The following AATK variants were observed in gnomAD, a reference collection of about 807,000 sequenced individuals.
The protein encoded by AATK is lemur tail kinase 1, also known as serine/threonine-protein kinase LMTK1.
In AATK, 91 loss-of-function variants were observed where a neutral mutation model predicts 114.3. The observed-to-expected ratio is 0.80, with a 90% CI of 0.67 to 0.95. The LOEUF (loss-of-function observed/expected upper bound fraction) is 0.95, where lower values mean the gene tolerates loss of function less well. Ranked by LOEUF, AATK falls within the 40% of genes least tolerant of loss-of-function variation. The probability of loss-of-function intolerance (pLI) is 0.00; values close to 1 mark genes in which losing one functional copy is unlikely to be tolerated. For missense variants in AATK, 2,176 were observed against 1,965.2 expected (o/e 1.11, Z -2.03); for synonymous variants, 1,075 against 916.5 (o/e 1.17, Z -3.12).
chr17:81,142,260 TTTTTTTC>T (rs1227911212), intron 1 of AATK, among the ~76,000 whole-genome samples: 2 of 149,998 alleles, frequency 1.3e-5, no homozygotes, highest in African/African-American at 2.5e-5. Flanking sequence ...GGCCCGCTCT[TTTTTTTC>T]TTTTTTCTTT....
At chr17:81,161,487 G>T (rs894507584) in intron 1 of AATK, among the ~76,000 whole-genome samples, 2 of 152,188 alleles carry the variant, frequency 1.3e-5, no homozygotes, top group Admixed American at 1.3e-4. Context: ...GGCGGGCATG[G>T]GTTTGGGGTG....
At chr17:81,138,690 CACCCAAGCACGCAGAT>C (rs2061070355) in intron 1 of AATK, among the ~76,000 whole-genome samples, 1 of 151,686 alleles carries the variant, frequency 6.6e-6, no homozygotes. Context: ...CACCCACACA[CACCCAAGCACGCAGAT>C]ACCCACACGC....
At chr17:81,125,177 G>A in intron 7 of AATK, 163 bp from the exon 8 acceptor site, 1 of 685,370 alleles carries the variant, frequency 1.5e-6, no homozygotes, top group Non-Finnish European at 2.6e-6. Context: ...AGGGGCGTTG[G>A]AGACACTGCC....
At chr17:81,133,473 C>T in intron 2 of AATK, 2 of 277,544 alleles carry the variant, frequency 7.2e-6, no homozygotes, top group South Asian at 2.7e-5. Context: ...CTGCAGAATG[C>T]CTCCTCCCAC....
At chr17:81,139,273 G>A (rs944825778) in intron 1 of AATK, among the ~76,000 whole-genome samples, 3 of 152,162 alleles carry the variant, frequency 2.0e-5, no homozygotes, top group African/African-American at 7.2e-5. Flanking sequence ...AGCCACGTGG[G>A]AGGCCCCACT....
At chr17:81,132,570 T>G (rs1246156770) in intron 2 of AATK, 3 of 190,682 alleles carry the variant, frequency 1.6e-5, no homozygotes, top group African/African-American at 2.4e-5. Flanking sequence ...AGCCCCGGCC[T>G]GGCCCCACCC....
At position 81,127,776 on chromosome 17, in the gene AATK, C is replaced by T. The variant is rs1419854297; in HGVS notation, c.533+16G>A. ...GGGCCGCACAGCACAGGCCTTTGTG[C>T]CCGGTGGCCTCCCACCTGTAGGGCT... is the stretch of plus-strand genomic sequence containing the variant. On this transcript the variant is annotated intron_variant, in intron 5 of 13. Transcript: ENST00000326724. The T allele has an allele frequency of 1.3e-6, 2 of 1,503,754 alleles. No homozygotes were observed. The highest frequency in any genetic ancestry group is 2.5e-5 in the East Asian group (1 of 40,702). 93.2% of individuals were successfully genotyped at this position (1,503,754 alleles called of 1,614,324 possible).
chr17:81,122,240 C>A lies in AATK; in HGVS notation c.1696G>T (p.Gly566Cys). The A allele has an allele frequency of 6.7e-7, 1 of 1,492,402 alleles. No individual in the cohort carries two copies. Among genetic ancestry groups the A allele is most frequent in the Non-Finnish European group, 8.9e-7 (1 of 1,123,586 alleles). The allele number at this position is 1,492,402 out of a possible 1,614,324, so 92.4% of individuals were successfully genotyped here. A position where few individuals can be genotyped will look rare whatever the true frequency, so the allele number is the denominator to read the frequency against. ...ATADQDDDSD[G>C]STAASLAMEP... ...ATGGCCAGCGAGGCGGCGGTGCTGC[C>A]GTCAGAGTCGTCGTCCTGGTCCGCG... is the stretch of plus-strand genomic sequence containing the variant. The change falls in exon 11 of 14, where the codon GGC becomes TGC. Residue 566 changes from glycine (G) to cysteine (C), a missense_variant. Gly to Cys is a radical substitution (Grantham distance 159, BLOSUM62 -3). Coordinates refer to ENST00000326724, the MANE Select transcript of AATK (RefSeq NM_001080395.3).
At position 81,123,295 on chromosome 17, in the gene AATK, G is replaced by A; in HGVS notation, c.1011C>T (p.Pro337=). 3 of 1,402,466 alleles carry A rather than the reference G, an allele frequency of 2.1e-6. No homozygotes were observed. The highest frequency in any genetic ancestry group is 2.8e-6 in the Non-Finnish European group (3 of 1,077,528). The allele number at this position is 1,402,466 out of a possible 1,614,324, so 86.9% of individuals were successfully genotyped here. ...IWELFELGTQ[P]YPQHSDQQVL... is the part of the protein sequence containing the mutation. Reference sequence around the variant, plus strand: ...CCTGCTGGTCCGAGTGCTGGGGATAGGGCTGCGTGCCCAGCTCAAAGAGCT... The same window carrying A: ...CCTGCTGGTCCGAGTGCTGGGGATAAGGCTGCGTGCCCAGCTCAAAGAGCT... The change falls in exon 10 of 14, where the codon CCC becomes CCT. Residue 337 remains proline (P), a synonymous_variant. Transcript: ENST00000326724.
intron 1 of AATK, among the ~76,000 whole-genome samples, chr17:81,153,581 T>C (rs1474553023): frequency 6.6e-6 from 1 of 152,156 alleles, no homozygotes; most frequent in South Asian, 2.1e-4. Context: ...TCGAAAATAC[T>C]CGTGCGTATG....
chr17:81,143,540 C>T (rs145972817), intron 1 of AATK, among the ~76,000 whole-genome samples: 50 of 79,530 alleles, frequency 6.3e-4, no homozygotes, highest in South Asian at 1.6e-3. Context: ...CCCCCACCCC[C>T]CGTGTCCACG....
At position 81,157,837 on chromosome 17, in the gene AATK, G is replaced by A. The variant is rs146786751; in HGVS notation, c.55+8101C>T. ...AAGGTCCCACAGCCCCCATCTCTTC[G>A]CTCCTGGCCTGTCTCTGCTCGACGC... On this transcript the variant is annotated intron_variant, in intron 1 of 13. Coordinates refer to ENST00000326724, the MANE Select transcript of AATK (RefSeq NM_001080395.3). 2.5e-3 allele frequency among the ~76,000 whole-genome samples: 386 copies of A among 152,262 alleles called. 2 individuals are homozygous for A. Among genetic ancestry groups the A allele is most frequent in the Non-Finnish European group, 3.9e-3 (268 of 68,010 alleles).
intron 7 of AATK, 142 bp from the exon 8 acceptor site, chr17:81,125,156 TC>T: frequency 1.3e-6 from 1 of 764,584 alleles, no homozygotes; most frequent in Non-Finnish European, 2.2e-6. Context: ...TGGCTCACAG[TC>T]CAGGCTGGAA....
chr17:81,130,497 C>T (rs1321761053), intron 3 of AATK, among the ~76,000 whole-genome samples: 1 of 152,182 alleles, frequency 6.6e-6, no homozygotes, highest in Non-Finnish European at 1.5e-5. Flanking sequence ...GGGTCAGCCC[C>T]ACCCCTCGGC....
At chr17:81,133,652 G>A (rs566946145) in intron 2 of AATK, among the ~76,000 whole-genome samples, 4 of 152,300 alleles carry the variant, frequency 2.6e-5, no homozygotes, top group South Asian at 4.1e-4. Context: ...GATGCTGGCC[G>A]GGGTTCCTTC....
rs1184179808 is a variant in AATK, at chr17:81,124,774, C to T, written c.915G>A (p.Val305=). 1.2e-6 allele frequency: 2 copies of T among 1,612,898 alleles called. No individual in the cohort carries two copies. The highest frequency in any genetic ancestry group is 1.7e-5 in the Admixed American group (1 of 60,018). The part of the protein sequence containing the change: ...RWIAPELVDE[V]HSNLLVVDQT... ...GGTCCACGACGAGCAGGTTGCTATG[C>T]ACCTCGTCCACCAGCTCTGGCGCGA... The change falls in exon 9 of 14, where the codon GTG becomes GTA. Residue 305 remains valine, a synonymous_variant. Transcript: ENST00000326724.
intron 2 of AATK, among the ~76,000 whole-genome samples, chr17:81,131,423 G>A (rs76301461): frequency 8.5e-5 from 13 of 152,218 alleles, no homozygotes; most frequent in African/African-American, 2.2e-4. Flanking sequence ...CCACGCCCCC[G>A]ACCAGAGGCT....
intron 1 of AATK, among the ~76,000 whole-genome samples, chr17:81,149,041 C>A (rs1359707067): frequency 6.6e-6 from 1 of 152,188 alleles, no homozygotes; most frequent in Non-Finnish European, 1.5e-5. Flanking sequence ...CCTGGGAGCA[C>A]CCTGGCCGAG....
Position 81,121,520 on chromosome 17 carries a change from C to T in AATK, c.2416G>A (p.Gly806Arg), listed in dbSNP as rs965658279. The T allele has an allele frequency of 4.5e-6, 7 of 1,542,948 alleles. No individual in the cohort carries two copies. Among genetic ancestry groups the T allele is most frequent in the Non-Finnish European group, 5.3e-6 (6 of 1,142,584 alleles). Residue 806 changes from glycine to arginine, a missense_variant, in exon 11 of 14, where the codon GGA (glycine) becomes AGA (arginine). By Grantham distance (125) the Gly-to-Arg change is moderately radical. Coordinates refer to ENST00000326724, the MANE Select transcript of AATK (RefSeq NM_001080395.3). Reference sequence around the variant, plus strand: ...GCCTCCTCCGAGGGAAGTGGGGCTCCCTCCTGGGATGGGGAGGGGACGGAA... The same window carrying T: ...GCCTCCTCCGAGGGAAGTGGGGCTCTCTCCTGGGATGGGGAGGGGACGGAA... ...LPSVPSPSQE[G>R]APLPSEEASA... is the part of the protein sequence containing the mutation.
Sources: gnomAD v4.1 joint callset for allele counts (sites outside exome capture counted in the v4.1 genomes callset) on GRCh38, gnomAD v4.1.1 for gene constraint, MANE v1.5 for transcripts, NCBI Gene and HGNC (gene_info 2026-07-23, HGNC 2026-07-21) for gene names.